GALNT1: variants seen among roughly 807,000 people sequenced by gnomAD.
GALNT1 encodes polypeptide N-acetylgalactosaminyltransferase 1, also known as GalNAc transferase 1.
GALNT1 carries 17 observed loss-of-function variants against 65.7 expected under a neutral mutation model. The ratio of observed to expected loss-of-function variants is 0.26; its 90% CI spans 0.18 to 0.39. The LOEUF is 0.39. Among genes scored for constraint, GALNT1 ranks in the 10% least tolerant of loss-of-function variants. GALNT1 has a pLI of 1.00. For missense variants in GALNT1, 460 were observed against 672.8 expected (o/e 0.68, Z 3.50); for synonymous variants, 210 against 219.7 (o/e 0.96, Z 0.39).
At chr18:35,621,482 G>A (rs1400473819) in intron 1 of GALNT1, among the ~76,000 whole-genome samples, 2 of 126,082 alleles carry the variant, frequency 1.6e-5, no homozygotes, top group Non-Finnish European at 3.3e-5. Context: ...ATGAATCACC[G>A]CAATTGGTCT....
chr18:35,645,505 T>C (rs911356557), intron 1 of GALNT1, among the ~76,000 whole-genome samples: 1 of 152,126 alleles, frequency 6.6e-6, no homozygotes, highest in Non-Finnish European at 1.5e-5. Context: ...GCTGGGATTA[T>C]AGGCGTGAGC....
At chr18:35,601,292 T>C (rs60235728) in intron 1 of GALNT1, among the ~76,000 whole-genome samples, 16,008 of 152,056 alleles carry the variant, frequency 0.11, 1,107 homozygotes, top group African/African-American at 0.2. Context: ...GTTAATGTCT[T>C]GTTTTTCAGT....
chr18:35,697,824 C>T (rs766432750), intron 9 of GALNT1, among the ~76,000 whole-genome samples: 2 of 152,186 alleles, frequency 1.3e-5, no homozygotes, highest in Non-Finnish European at 2.9e-5. Flanking sequence ...GTTTGTACAT[C>T]GTTTCTAGAT....
rs984793065 is a variant in GALNT1, at chr18:35,703,607, C to T, written c.1497C>T (p.His499=). ...CAGTTACAATGCTCAAATGCCACCACCTAAAAGGCAACCAACTCTGGGAGT... is the reference window on the plus strand; with the variant it reads ...CAGTTACAATGCTCAAATGCCACCATCTAAAAGGCAACCAACTCTGGGAGT... The part of the protein sequence containing the change: ...NGPVTMLKCH[H]LKGNQLWEYD... The change falls in exon 11 of 12, where the codon CAC becomes CAT. Residue 499 remains histidine, a synonymous_variant. Transcript: ENST00000269195. 2 of 1,613,980 alleles carry T rather than the reference C, an allele frequency of 1.2e-6. No homozygotes were observed. Among genetic ancestry groups the T allele is most frequent in the Non-Finnish European group, 8.5e-7 (1 of 1,179,948 alleles).
At chr18:35,621,747 AT>A (rs944180828) in intron 1 of GALNT1, among the ~76,000 whole-genome samples, 1 of 152,176 alleles carries the variant, frequency 6.6e-6, no homozygotes, top group African/African-American at 2.4e-5. Flanking sequence ...AGTGTTAGAG[AT>A]TTATGCCTTT....
At chr18:35,683,260 T>TA (rs1340955486) in intron 4 of GALNT1, 131 bp from the exon 5 acceptor site, 4 of 667,550 alleles carry the variant, frequency 6.0e-6, no homozygotes, top group African/African-American at 5.4e-5. Flanking sequence ...AGAATGGGTT[T>TA]ATGAGTCAGG....
chr18:35,693,130 G>A (rs893207536), intron 9 of GALNT1, among the ~76,000 whole-genome samples: 9 of 152,302 alleles, frequency 5.9e-5, no homozygotes, highest in African/African-American at 1.9e-4. Context: ...TAGTAGTACT[G>A]TTTTATGTAA....
At chr18:35,651,138 C>T (rs2047306920) in intron 1 of GALNT1, among the ~76,000 whole-genome samples, 1 of 152,154 alleles carries the variant, frequency 6.6e-6, no homozygotes, top group African/African-American at 2.4e-5. Flanking sequence ...AACAAAACTT[C>T]TTTTGTTTCC....
intron 1 of GALNT1, among the ~76,000 whole-genome samples, chr18:35,642,581 T>G (rs7240151): frequency 0.095 from 14,510 of 152,188 alleles, 838 homozygotes; most frequent in African/African-American, 0.17. Flanking sequence ...GATCATTTAT[T>G]TCCGTGACAT....
intron 1 of GALNT1, among the ~76,000 whole-genome samples, chr18:35,639,017 C>G (rs577373659): frequency 1.3e-5 from 2 of 152,290 alleles, no homozygotes; most frequent in Admixed American, 6.5e-5. Context: ...GACTCTGCTC[C>G]TTGTGAGGAT....
chr18:35,653,352 G>C (rs895152900), intron 1 of GALNT1, among the ~76,000 whole-genome samples: 7 of 152,210 alleles, frequency 4.6e-5, no homozygotes, highest in Non-Finnish European at 1.0e-4. Context: ...AAGAACTGCT[G>C]TATATATTTC....
chr18:35,615,971 T>C (rs902493992), intron 1 of GALNT1, among the ~76,000 whole-genome samples: 5 of 152,198 alleles, frequency 3.3e-5, no homozygotes, highest in Non-Finnish European at 7.3e-5. Flanking sequence ...AACTTTGACG[T>C]TGTAGTGCAA....
intron 1 of GALNT1, among the ~76,000 whole-genome samples, chr18:35,633,224 A>T (rs901199603): frequency 3.9e-5 from 6 of 152,094 alleles, no homozygotes; most frequent in Non-Finnish European, 5.9e-5. Context: ...CAATCATGCT[A>T]CTATAAAGAC....
chr18:35,581,469 G>T (rs1598776415), upstream of GALNT1, among the ~76,000 whole-genome samples: 1 of 145,872 alleles, frequency 6.9e-6, no homozygotes. Flanking sequence ...CCGCGCAGCC[G>T]CACGGGCCGC....
chr18:35,659,130 T>C (rs2047440119), intron 2 of GALNT1, among the ~76,000 whole-genome samples: 1 of 152,210 alleles, frequency 6.6e-6, no homozygotes, highest in Admixed American at 6.5e-5. Context: ...TTTTTCATAT[T>C]GGAAGTACCT....
intron 1 of GALNT1, among the ~76,000 whole-genome samples, chr18:35,640,182 G>A (rs751452252): frequency 6.6e-6 from 1 of 151,856 alleles, no homozygotes; most frequent in Non-Finnish European, 1.5e-5. Context: ...TTCTTTTTTT[G>A]CCTTATTAAA....
chr18:35,626,615 G>A (rs2046920597), intron 1 of GALNT1, among the ~76,000 whole-genome samples: 1 of 152,152 alleles, frequency 6.6e-6, no homozygotes, highest in African/African-American at 2.4e-5. Context: ...AAATCAGTGA[G>A]GGCTTTATCA....
At chr18:35,657,213 A>G (rs553123565) in intron 2 of GALNT1, among the ~76,000 whole-genome samples, 2 of 152,216 alleles carry the variant, frequency 1.3e-5, no homozygotes, top group African/African-American at 4.8e-5. Flanking sequence ...CTCCTGCCTC[A>G]GCCTCTTGAG....
In GALNT1 at chr18:35,644,975, A is replaced by G. The variant is rs184851475; in HGVS notation, c.-103-9585A>G. Among the ~76,000 whole-genome samples the G allele has an allele frequency of 4.3e-3, 654 of 152,224 alleles. 11 individuals carry two copies. Among genetic ancestry groups the G allele is most frequent in the Admixed American group, 0.022 (339 of 15,286 alleles). On this transcript the variant is annotated intron_variant, in intron 1 of 11. Transcript: ENST00000269195. Reference sequence around the variant, plus strand: ...CACTGCACTCCGGCCTGGGTGACAGAGCAAGACTCTGTCTCAAAATAAATA... The same window carrying G: ...CACTGCACTCCGGCCTGGGTGACAGGGCAAGACTCTGTCTCAAAATAAATA...
Sources: allele counts gnomAD v4.1 joint callset (sites outside exome capture counted in the v4.1 genomes callset), GRCh38; gene constraint gnomAD v4.1.1; transcripts MANE v1.5; gene names NCBI Gene and HGNC (gene_info 2026-07-23, HGNC 2026-07-21).